The following ZBBX variants were observed in gnomAD, a reference collection of about 807,000 sequenced individuals.
ZBBX encodes the protein zinc finger B-box domain containing, also known as zinc finger B-box domain-containing protein 1.
Under a neutral mutation model 108.5 loss-of-function variants are expected in ZBBX, and 101 were observed. The ratio of observed to expected loss-of-function variants is 0.93; its 90% CI spans 0.79 to 1.10. The LOEUF (loss-of-function observed/expected upper bound fraction) is 1.10. Among genes scored for constraint, ZBBX ranks in the 50% least tolerant of loss-of-function variants. ZBBX has a pLI of 0.00. For missense variants in ZBBX, 1,009 were observed against 941.4 expected (o/e 1.07, Z -0.94); for synonymous variants, 356 against 323.4 (o/e 1.10, Z -1.08).
chr3:167,184,324 G>A, the ZBBX span, among the ~76,000 whole-genome samples: 1 of 152,140 alleles, frequency 6.6e-6, no homozygotes, highest in Non-Finnish European at 1.5e-5. Context: ...GTGTTGAGAT[G>A]TTATGCACTA....
intron 19 of ZBBX, among the ~76,000 whole-genome samples, chr3:167,284,184 ATC>A (rs911550779): frequency 3.3e-4 from 37 of 111,822 alleles, no homozygotes; most frequent in Admixed American, 2.0e-3. Context: ...AAAAACATAT[ATC>A]TATATCTATA....
At chr3:167,377,936 C>A (rs1013935876) in intron 2 of ZBBX, among the ~76,000 whole-genome samples, 53 of 152,190 alleles carry the variant, frequency 3.5e-4, no homozygotes, top group African/African-American at 1.2e-3. Flanking sequence ...GGGACAGTTT[C>A]CCCCACGCTA....
Position 167,378,538 on chromosome 3 carries a change from C to T in ZBBX, c.-132+1100G>A, listed in dbSNP as rs564308277. ...AGAAAATGGTAAGGATCCTCTCCCCCTCTAATTTGCAGGATATTAAACAAA... is the reference window on the plus strand; with the variant it reads ...AGAAAATGGTAAGGATCCTCTCCCCTTCTAATTTGCAGGATATTAAACAAA... On this transcript the variant is annotated intron_variant, in intron 2 of 21. Transcript: ENST00000675490. Among the ~76,000 whole-genome samples, 35 of 152,250 alleles carry T rather than the reference C, an allele frequency of 2.3e-4. 1 individual carries two copies. Among genetic ancestry groups the T allele is most frequent in the South Asian group, 4.2e-4 (2 of 4,818 alleles).
At chr3:167,253,632 G>A (rs975269020) in intron 20 of ZBBX, among the ~76,000 whole-genome samples, 10 of 152,084 alleles carry the variant, frequency 6.6e-5, no homozygotes, top group African/African-American at 2.2e-4. Context: ...GCAAACAGTA[G>A]CTCCCCAGAA....
chr3:167,395,285 A>G (rs1748195577), intron 1 of ZBBX, among the ~76,000 whole-genome samples: 1 of 152,056 alleles, frequency 6.6e-6, no homozygotes, highest in African/African-American at 2.4e-5. Flanking sequence ...TGAATATCAC[A>G]TGCTTTAATT....
chr3:167,367,456 G>A (rs1036881109), intron 5 of ZBBX, among the ~76,000 whole-genome samples: 92 of 151,574 alleles, frequency 6.1e-4, no homozygotes, highest in Non-Finnish European at 9.0e-4. Flanking sequence ...AAAATACTAC[G>A]TAGCCACTAA....
intron 12 of ZBBX, among the ~76,000 whole-genome samples, chr3:167,320,442 C>T (rs1270821788): frequency 2.0e-5 from 3 of 151,876 alleles, no homozygotes; most frequent in Admixed American, 6.6e-5. Flanking sequence ...AGGAACACTT[C>T]TTTTAAGAGG....
chr3:167,256,942 A>G (rs1005873884), intron 20 of ZBBX, among the ~76,000 whole-genome samples: 2 of 152,206 alleles, frequency 1.3e-5, no homozygotes, highest in African/African-American at 4.8e-5. Flanking sequence ...ATAAGAATGC[A>G]GATATCTCTT....
intron 20 of ZBBX, among the ~76,000 whole-genome samples, chr3:167,262,742 T>C (rs1186428732): frequency 6.6e-6 from 1 of 152,210 alleles, no homozygotes; most frequent in East Asian, 1.9e-4. Flanking sequence ...ATTTTCCAGT[T>C]TATTGTTATA....
chr3:167,252,046 C>A, intron 20 of ZBBX: 1 of 900,974 alleles, frequency 1.1e-6, no homozygotes. Flanking sequence ...TCCTTAAACA[C>A]CTCTGCCCTT....
intron 20 of ZBBX, among the ~76,000 whole-genome samples, chr3:167,261,370 G>A (rs557143620): frequency 1.8e-4 from 27 of 151,970 alleles, no homozygotes; most frequent in Middle Eastern, 3.4e-3. Context: ...AGGAACTGGC[G>A]GTGGTCGGGG....
At chr3:167,367,016 G>A (rs926173923) in intron 5 of ZBBX, 10 of 400,314 alleles carry the variant, frequency 2.5e-5, no homozygotes, top group Admixed American at 2.4e-4. Context: ...TCAAAGAAAT[G>A]GACTCTAAAG....
chr3:167,348,372 A>AAAGAAAGAAAGAAAGAAAG (rs1560163843), intron 9 of ZBBX, among the ~76,000 whole-genome samples: 2 of 104,722 alleles, frequency 1.9e-5, no homozygotes, highest in Non-Finnish European at 2.2e-5. Context: ...AAGAAAGAAA[A>AAAGAAAGAAAGAAAGAAAG]AAAAGAAAAG....
chr3:167,205,149 T>C, the ZBBX span, among the ~76,000 whole-genome samples: 1 of 152,152 alleles, frequency 6.6e-6, no homozygotes, highest in East Asian at 1.9e-4. Context: ...TTGTTTGTTA[T>C]GTAGGGTGCA....
chr3:167,253,944 C>G (rs1041094789), intron 20 of ZBBX, among the ~76,000 whole-genome samples: 1 of 152,074 alleles, frequency 6.6e-6, no homozygotes, highest in African/African-American at 2.4e-5. Flanking sequence ...AAATTAACCT[C>G]AAAGATGGAG....
At chr3:167,339,939 T>G (rs1458017374) in intron 9 of ZBBX, among the ~76,000 whole-genome samples, 1 of 152,060 alleles carries the variant, frequency 6.6e-6, no homozygotes, top group South Asian at 2.1e-4. Context: ...CTGTGTTAGT[T>G]TGCTGAGAAT....
At chr3:167,251,684 A>G (rs1009191829) in intron 20 of ZBBX, among the ~76,000 whole-genome samples, 1 of 152,066 alleles carries the variant, frequency 6.6e-6, no homozygotes, top group African/African-American at 2.4e-5. Flanking sequence ...TAAATATAAT[A>G]TCTCATATAT....
chr3:167,220,140 G>C, the ZBBX span, among the ~76,000 whole-genome samples: 3 of 151,930 alleles, frequency 2.0e-5, no homozygotes, highest in Non-Finnish European at 4.4e-5. Flanking sequence ...CTTCACTGCT[G>C]AATTTTACCA....
At chr3:167,346,689 A>G (rs1741511130) in intron 9 of ZBBX, among the ~76,000 whole-genome samples, 1 of 151,894 alleles carries the variant, frequency 6.6e-6, no homozygotes, top group Middle Eastern at 3.2e-3. Flanking sequence ...TTATGACTTT[A>G]ATGGTTAACA....
Sources: allele counts gnomAD v4.1 joint callset (sites outside exome capture counted in the v4.1 genomes callset), GRCh38; gene constraint gnomAD v4.1.1; transcripts MANE v1.5; gene names NCBI Gene and HGNC (gene_info 2026-07-23, HGNC 2026-07-21).